DAB1: variants seen among roughly 807,000 people sequenced by gnomAD.
DAB1 encodes DAB adaptor protein 1.
DAB1 carries 15 observed loss-of-function variants against 64.6 expected under a neutral mutation model. The observed-to-expected ratio is 0.23, with a 90% CI of 0.16 to 0.36. DAB1 has a LOEUF of 0.36. DAB1 is among the 10% of genes least tolerant of loss of function. The pLI is 1.00. For synonymous variants in DAB1, 235 were observed against 251.9 expected (o/e 0.93, Z 0.64); for missense variants, 596 against 706.7 (o/e 0.84, Z 1.78).
intron 1 of DAB1, among the ~76,000 whole-genome samples, chr1:58,530,438 T>C (rs1244673668): frequency 6.6e-6 from 1 of 152,226 alleles, no homozygotes; most frequent in African/African-American, 2.4e-5. Context: ...AATATTCATA[T>C]ATAAGAATAT....
intron 1 of DAB1, among the ~76,000 whole-genome samples, chr1:57,415,105 AC>A (rs1372747644): frequency 6.6e-6 from 1 of 152,206 alleles, no homozygotes; most frequent in Non-Finnish European, 1.5e-5. Context: ...CCTGGCCAAT[AC>A]CAAGATTCAT....
intron 3 of DAB1, among the ~76,000 whole-genome samples, chr1:58,373,319 CCA>C (rs1569698346): frequency 8.4e-6 from 1 of 119,360 alleles, no homozygotes; most frequent in Non-Finnish European, 2.0e-5. Flanking sequence ...CTATCCCTCC[CCA>C]CTCCCCCCTC....
At chr1:58,357,610 G>A (rs1292502894) in intron 3 of DAB1, among the ~76,000 whole-genome samples, 1 of 152,220 alleles carries the variant, frequency 6.6e-6, no homozygotes, top group Non-Finnish European at 1.5e-5. Flanking sequence ...GAAGCTTTAA[G>A]ATGGTAAGAC....
chr1:57,315,399 C>T (rs1266289735), intron 1 of DAB1, among the ~76,000 whole-genome samples: 2 of 152,166 alleles, frequency 1.3e-5, no homozygotes, highest in South Asian at 2.1e-4. Context: ...CCTCAAAGGG[C>T]ACACCTCAAA....
At chr1:57,980,648 T>C (rs1165174906) in intron 5 of DAB1, among the ~76,000 whole-genome samples, 1 of 152,164 alleles carries the variant, frequency 6.6e-6, no homozygotes, top group African/African-American at 2.4e-5. Flanking sequence ...GTTAGTCTTG[T>C]AGAGTCATCT....
At chr1:57,328,843 A>G (rs1676404412) in intron 1 of DAB1, among the ~76,000 whole-genome samples, 1 of 152,194 alleles carries the variant, frequency 6.6e-6, no homozygotes, top group African/African-American at 2.4e-5. Context: ...GTGGCATGTG[A>G]GGGATAAAAT....
chr1:57,427,798 A>C (rs71642121), upstream of DAB1, among the ~76,000 whole-genome samples: 30,222 of 152,118 alleles, frequency 0.2, 3,181 homozygotes, highest in African/African-American at 0.26. Flanking sequence ...AAATAATTAG[A>C]ACAATTAAGC....
At chr1:58,318,478 G>T (rs10493240) in intron 4 of DAB1, among the ~76,000 whole-genome samples, 37,085 of 152,168 alleles carry the variant, frequency 0.24, 4,799 homozygotes, top group East Asian at 0.4. Flanking sequence ...TTGTGACTCA[G>T]ACCCAAGGTG....
intron 1 of DAB1, among the ~76,000 whole-genome samples, chr1:57,376,552 G>A (rs551829924): frequency 5.3e-5 from 8 of 152,212 alleles, no homozygotes; most frequent in Admixed American, 5.2e-4. Flanking sequence ...GCAAATATCG[G>A]GTGCAAAATA....
intron 4 of DAB1, among the ~76,000 whole-genome samples, chr1:58,336,666 A>G (rs1663124079): frequency 6.6e-6 from 1 of 152,236 alleles, no homozygotes; most frequent in Non-Finnish European, 1.5e-5. Context: ...ATCCTTTATC[A>G]GAAAATGGTT....
At chr1:57,385,960 G>C (rs1275087473) in intron 1 of DAB1, among the ~76,000 whole-genome samples, 2 of 152,160 alleles carry the variant, frequency 1.3e-5, no homozygotes, top group Non-Finnish European at 2.9e-5. Flanking sequence ...TTAAGAGCAT[G>C]GGTTATAGAG....
chr1:58,038,553 C>T (rs1647082156), intron 5 of DAB1, among the ~76,000 whole-genome samples: 1 of 149,300 alleles, frequency 6.7e-6, no homozygotes, highest in Non-Finnish European at 1.5e-5. Flanking sequence ...ACCAGGGCTT[C>T]CTCTCACCTG....
chr1:57,558,660 T>C (rs1645017115), intron 7 of DAB1, among the ~76,000 whole-genome samples: 1 of 152,166 alleles, frequency 6.6e-6, no homozygotes, highest in South Asian at 2.1e-4. Context: ...TTGGGCCCAC[T>C]AAGTAGGAAT....
At chr1:57,891,470 A>G (rs1644313193) in intron 5 of DAB1, among the ~76,000 whole-genome samples, 1 of 152,206 alleles carries the variant, frequency 6.6e-6, no homozygotes, top group African/African-American at 2.4e-5. Context: ...AAGATCTAAA[A>G]CTAGAATTAC....
At chr1:57,857,426 G>A (rs1233871154) in intron 1 of DAB1, among the ~76,000 whole-genome samples, 32 of 152,160 alleles carry the variant, frequency 2.1e-4, no homozygotes, top group Admixed American at 2.1e-3. Flanking sequence ...TAATGATGAT[G>A]GTGATGATGG....
intron 4 of DAB1, among the ~76,000 whole-genome samples, chr1:58,343,003 T>C (rs1432035259): frequency 3.3e-5 from 5 of 152,210 alleles, no homozygotes; most frequent in Non-Finnish European, 1.5e-5. Flanking sequence ...TATAGGCTTA[T>C]GTCCAAACTT....
chr1:57,675,303 C>T (rs370650315), intron 6 of DAB1, among the ~76,000 whole-genome samples: 11 of 152,182 alleles, frequency 7.2e-5, no homozygotes, highest in South Asian at 2.1e-4. Flanking sequence ...AAAATAAGGG[C>T]GAAGGTAGGT....
At chr1:57,672,262 GTTA>G (rs943041677) in intron 6 of DAB1, among the ~76,000 whole-genome samples, 1 of 152,094 alleles carries the variant, frequency 6.6e-6, no homozygotes, top group Non-Finnish European at 1.5e-5. Flanking sequence ...GTTGAATTAG[GTTA>G]TTATCATCCC....
At chr1:57,834,470 T>C (rs1053778865) in intron 1 of DAB1, among the ~76,000 whole-genome samples, 9 of 152,154 alleles carry the variant, frequency 5.9e-5, no homozygotes, top group African/African-American at 2.2e-4. Flanking sequence ...GTACCTACCA[T>C]GTACCAGGCA....
Sources: gnomAD v4.1 joint callset for allele counts (sites outside exome capture counted in the v4.1 genomes callset) on GRCh38, gnomAD v4.1.1 for gene constraint, MANE v1.5 for transcripts, NCBI Gene and HGNC (gene_info 2026-07-23, HGNC 2026-07-21) for gene names.